DMD: variants seen among roughly 807,000 people sequenced by gnomAD.
DMD encodes dystrophin.
In DMD, 63 loss-of-function variants were observed where a neutral mutation model predicts 330.1. That is an observed-to-expected ratio of 0.19 (90% CI 0.16 to 0.24). DMD has a LOEUF of 0.24. DMD is among the 10% of genes least tolerant of loss of function. The probability of loss-of-function intolerance (pLI) is 1.00; values close to 1 mark genes in which losing one functional copy is unlikely to be tolerated. For synonymous variants in DMD, 1,223 were observed against 959.8 expected, an observed-to-expected ratio of 1.27 and a Z score of -5.07; for missense variants, 3,344 against 2,684.1, an observed-to-expected ratio of 1.25 and a Z score of -5.43.
chrX:31,676,962 T>C (rs1227165727), intron 53 of DMD, among the ~76,000 whole-genome samples: 2 of 111,610 alleles, frequency 1.8e-5, no homozygotes, highest in African/African-American at 3.3e-5. Flanking sequence ...TCTGCAGCAA[T>C]ACACATCATT....
chrX:33,332,512 A>G (rs1426978125), intron 1 of DMD, among the ~76,000 whole-genome samples: 3 of 111,606 alleles, frequency 2.7e-5, no homozygotes, highest in Non-Finnish European at 1.9e-5. Flanking sequence ...CTTTATACTA[A>G]GACGGCCATC....
At chrX:32,666,296 C>T (rs1450612060) in intron 9 of DMD, among the ~76,000 whole-genome samples, 1 of 110,487 alleles carries the variant, frequency 9.1e-6, no homozygotes, top group Non-Finnish European at 1.9e-5. Flanking sequence ...CCCATCAACC[C>T]GTCATCCAGG....
At chrX:32,510,104 C>A (rs898236835) in intron 18 of DMD, among the ~76,000 whole-genome samples, 4 of 112,015 alleles carry the variant, frequency 3.6e-5, no homozygotes, top group Non-Finnish European at 5.6e-5. Context: ...CAGACAGAGA[C>A]AACAGGATTC....
At chrX:32,755,861 G>A (rs1486312567) in intron 7 of DMD, among the ~76,000 whole-genome samples, 2 of 111,940 alleles carry the variant, frequency 1.8e-5, no homozygotes, top group Non-Finnish European at 3.8e-5. Context: ...GGTTTCGCTT[G>A]TGCTATATTA....
At chrX:31,825,081 C>T (rs1261115572) in intron 49 of DMD, among the ~76,000 whole-genome samples, 1 of 111,827 alleles carries the variant, frequency 8.9e-6, no homozygotes, top group East Asian at 2.8e-4. Flanking sequence ...GTCCTGACAT[C>T]AGAACCTAAA....
At chrX:32,279,299 C>T (rs1049234250) in intron 43 of DMD, among the ~76,000 whole-genome samples, 37 of 111,429 alleles carry the variant, frequency 3.3e-4, no homozygotes, top group Non-Finnish European at 6.6e-4. Context: ...ATCCAGCAAT[C>T]CCACTGCTGG....
At chrX:31,310,147 T>C (rs2055355817) in intron 62 of DMD, among the ~76,000 whole-genome samples, 2 of 108,810 alleles carry the variant, frequency 1.8e-5, no homozygotes, top group South Asian at 8.4e-4. Flanking sequence ...GTTAATACCC[T>C]TTATTCTCTT....
intron 1 of DMD, among the ~76,000 whole-genome samples, chrX:33,088,004 C>T (rs1400228242): frequency 9.0e-6 from 1 of 111,266 alleles, no homozygotes; most frequent in African/African-American, 3.3e-5. Context: ...CTTTGCGGCC[C>T]ATAGCTTCCC....
At chrX:33,271,051 A>T (rs747358064) in intron 1 of DMD, among the ~76,000 whole-genome samples, 1 of 111,621 alleles carries the variant, frequency 9.0e-6, no homozygotes, top group South Asian at 3.7e-4. Flanking sequence ...TATTGTATCT[A>T]TTTTCTCGAA....
chrX:31,943,889 GAGAGAGAGA>G (rs1569519592), intron 45 of DMD, among the ~76,000 whole-genome samples: 4 of 60,106 alleles, frequency 6.7e-5, no homozygotes, highest in African/African-American at 3.0e-4. Context: ...GAGAGAGAGA[GAGAGAGAGA>G]GAGAGAGAGA....
intron 11 of DMD, among the ~76,000 whole-genome samples, chrX:32,621,571 C>T (rs1410913654): frequency 9.1e-6 from 1 of 109,803 alleles, no homozygotes; most frequent in Non-Finnish European, 1.9e-5. Context: ...CAATCCTCTC[C>T]CCTTGGCCTC....
chrX:31,990,447 T>C (rs5927914), intron 44 of DMD, among the ~76,000 whole-genome samples: 1 of 110,600 alleles, frequency 9.0e-6, no homozygotes, highest in Non-Finnish European at 1.9e-5. Flanking sequence ...CTGTACATTA[T>C]TGTAGTTACC....
intron 55 of DMD, among the ~76,000 whole-genome samples, chrX:31,565,292 C>T (rs1204452426): frequency 9.0e-6 from 1 of 111,380 alleles, no homozygotes; most frequent in Admixed American, 9.5e-5. Context: ...CTCTCTCTCT[C>T]TCTTTCCCCT....
intron 44 of DMD, among the ~76,000 whole-genome samples, chrX:32,156,357 C>T (rs778137326): frequency 1.3e-4 from 14 of 111,888 alleles, no homozygotes; most frequent in East Asian, 5.7e-4. Flanking sequence ...TCCAGCCTGG[C>T]GACAGAGCGA....
chrX:32,690,820 T>G (rs1473479739), intron 9 of DMD, among the ~76,000 whole-genome samples: 1 of 111,462 alleles, frequency 9.0e-6, no homozygotes, highest in African/African-American at 3.3e-5. Flanking sequence ...GCTTATCTTA[T>G]GCCATATGCA....
chrX:33,277,046 G>A (rs1041660660), intron 1 of DMD, among the ~76,000 whole-genome samples: 8 of 111,602 alleles, frequency 7.2e-5, no homozygotes, highest in Admixed American at 5.7e-4. Flanking sequence ...ATCACTTCAC[G>A]TAAGCACAAC....
chrX:31,452,296 A>T (rs2065817745), intron 59 of DMD, among the ~76,000 whole-genome samples: 1 of 87,073 alleles, frequency 1.1e-5, no homozygotes, highest in African/African-American at 5.9e-5. Flanking sequence ...ATAAAAAACA[A>T]TCTCAACCAG....
At chrX:32,497,340 A>G (rs749659393) in intron 19 of DMD, among the ~76,000 whole-genome samples, 2 of 112,202 alleles carry the variant, frequency 1.8e-5, no homozygotes, top group African/African-American at 3.2e-5. Context: ...GATAGTTTTG[A>G]GATGTTCTTT....
At chrX:32,675,044 T>A (rs2061881177) in intron 9 of DMD, among the ~76,000 whole-genome samples, 1 of 111,768 alleles carries the variant, frequency 8.9e-6, no homozygotes, top group African/African-American at 3.2e-5. Flanking sequence ...TGCCGAATGT[T>A]CTGATTTCAA....
Sources: allele counts gnomAD v4.1 joint callset (sites outside exome capture counted in the v4.1 genomes callset), GRCh38; gene constraint gnomAD v4.1.1; transcripts MANE v1.5; gene names NCBI Gene and HGNC (gene_info 2026-07-23, HGNC 2026-07-21).